Variants in SPMIP2 observed in about 807,000 individuals in gnomAD.
The protein encoded by SPMIP2 is sperm microtubule inner protein 2.
At chr4:159,051,154 AT>A in the SPMIP2 span, among the ~76,000 whole-genome samples, 1 of 152,096 alleles carries the variant, frequency 6.6e-6, no homozygotes. Flanking sequence ...AAAAAGTGCT[AT>A]TCTTTGCATT....
At chr4:159,075,730 C>A in the SPMIP2 span, among the ~76,000 whole-genome samples, 1 of 151,878 alleles carries the variant, frequency 6.6e-6, no homozygotes, top group South Asian at 2.1e-4. Context: ...ATTTTTAGAT[C>A]CAATTAAAAT....
At chr4:158,895,648 A>T in the SPMIP2 span, 6 of 723,450 alleles carry the variant, frequency 8.3e-6, no homozygotes, top group Non-Finnish European at 1.5e-5. Context: ...CTGATGAGAT[A>T]AAAGCTGTGT....
the SPMIP2 span, among the ~76,000 whole-genome samples, chr4:159,040,230 GGT>G: frequency 6.6e-6 from 1 of 151,920 alleles, no homozygotes; most frequent in Non-Finnish European, 1.5e-5. Context: ...GGAGTGCAGT[GGT>G]GTGCTCTTGG....
chr4:158,943,207 C>G, the SPMIP2 span, among the ~76,000 whole-genome samples: 1 of 152,100 alleles, frequency 6.6e-6, no homozygotes, highest in Admixed American at 6.5e-5. Flanking sequence ...TAATATCAGG[C>G]CTTTAAAGCA....
At chr4:159,045,096 A>C in the SPMIP2 span, among the ~76,000 whole-genome samples, 6 of 152,120 alleles carry the variant, frequency 3.9e-5, no homozygotes, top group East Asian at 1.2e-3. Context: ...GTCTCAAAAA[A>C]GAAAAAAAAA....
At chr4:158,980,848 C>T in the SPMIP2 span, among the ~76,000 whole-genome samples, 106 of 152,178 alleles carry the variant, frequency 7.0e-4, no homozygotes, top group African/African-American at 2.4e-3. Context: ...CAAAACTGGA[C>T]GGAGAATGAG....
chr4:158,947,399 C>G, the SPMIP2 span, among the ~76,000 whole-genome samples: 1 of 152,146 alleles, frequency 6.6e-6, no homozygotes, highest in Admixed American at 6.6e-5. Flanking sequence ...CTACACACCA[C>G]CCAACTAACA....
chr4:158,955,901 A>C, the SPMIP2 span, among the ~76,000 whole-genome samples: 1 of 152,226 alleles, frequency 6.6e-6, no homozygotes, highest in Non-Finnish European at 1.5e-5. Context: ...CATGTCATAG[A>C]GTGGACTCTT....
chr4:159,041,855 T>C, the SPMIP2 span, among the ~76,000 whole-genome samples: 4 of 152,208 alleles, frequency 2.6e-5, no homozygotes, highest in African/African-American at 7.2e-5. Context: ...ACAATAGTGT[T>C]ATGACACAGA....
chr4:158,942,292 C>T, the SPMIP2 span, among the ~76,000 whole-genome samples: 1 of 152,210 alleles, frequency 6.6e-6, no homozygotes, highest in Non-Finnish European at 1.5e-5. Flanking sequence ...AAGCTAACTC[C>T]TACCAACACT....
chr4:159,046,411 T>TACAAA, the SPMIP2 span, among the ~76,000 whole-genome samples: 1 of 152,236 alleles, frequency 6.6e-6, no homozygotes, highest in Admixed American at 6.5e-5. Flanking sequence ...GGGAGGGCAT[T>TACAAA]ACAAAGGGCA....
chr4:158,904,865 TGGGCAGAATA>T, the SPMIP2 span: 3 of 269,624 alleles, frequency 1.1e-5, no homozygotes, highest in Non-Finnish European at 1.4e-5. Flanking sequence ...TTGTGCTGTT[TGGGCAGAATA>T]AAGACAAGTG....
At chr4:158,962,523 A>G in the SPMIP2 span, among the ~76,000 whole-genome samples, 2 of 152,184 alleles carry the variant, frequency 1.3e-5, no homozygotes, top group East Asian at 1.9e-4. Context: ...AGTATCAAAC[A>G]TTTGAGTGGA....
the SPMIP2 span, among the ~76,000 whole-genome samples, chr4:158,947,967 A>G: frequency 6.6e-6 from 1 of 152,184 alleles, no homozygotes; most frequent in Non-Finnish European, 1.5e-5. Context: ...TAACACTAAA[A>G]TGCTTATTAA....
At chr4:158,973,422 T>C in the SPMIP2 span, 2 of 605,676 alleles carry the variant, frequency 3.3e-6, no homozygotes, top group Non-Finnish European at 5.6e-6. Context: ...ACTTACTACG[T>C]TCTAGGTTCT....
chr4:159,072,815 C>G, the SPMIP2 span, among the ~76,000 whole-genome samples: 1 of 152,074 alleles, frequency 6.6e-6, no homozygotes, highest in Non-Finnish European at 1.5e-5. Context: ...TATAATTGCT[C>G]TAAAACTAGA....
chr4:158,980,438 CA>C, the SPMIP2 span, among the ~76,000 whole-genome samples: 1 of 152,206 alleles, frequency 6.6e-6, no homozygotes, highest in East Asian at 1.9e-4. Context: ...TGTTGACAGA[CA>C]CCTTGTAGAG....
chr4:158,899,302 A>G, the SPMIP2 span, among the ~76,000 whole-genome samples: 1 of 152,150 alleles, frequency 6.6e-6, no homozygotes, highest in African/African-American at 2.4e-5. Flanking sequence ...TATTGGCCTG[A>G]CATTTTCTTT....
At chr4:159,037,785 TACAC>T in the SPMIP2 span, among the ~76,000 whole-genome samples, 24,006 of 118,548 alleles carry the variant, frequency 0.2, 2,513 homozygotes, top group Non-Finnish European at 0.26. Flanking sequence ...AAACAATATA[TACAC>T]ACACACACAC....
Sources: gnomAD v4.1 joint callset for allele counts (sites outside exome capture counted in the v4.1 genomes callset) on GRCh38, gnomAD v4.1.1 for gene constraint, MANE v1.5 for transcripts, NCBI Gene and HGNC (gene_info 2026-07-23, HGNC 2026-07-21) for gene names.